The following MCF2 variants were observed in gnomAD, a reference collection of about 807,000 sequenced individuals.
The protein encoded by MCF2 is proto-oncogene DBL.
A neutral mutation model predicts 82.5 loss-of-function variants in MCF2; 44 were observed. The ratio of observed to expected loss-of-function variants is 0.53; its 90% CI spans 0.42 to 0.69. The LOEUF (loss-of-function observed/expected upper bound fraction) is 0.69. MCF2 is among the 30% of genes least tolerant of loss of function. MCF2 has a pLI of 0.00. For synonymous variants in MCF2, 217 were observed against 224.9 expected, an observed-to-expected ratio of 0.96 and a Z score of 0.32; for missense variants, 623 against 663.1, an observed-to-expected ratio of 0.94 and a Z score of 0.66.
At chrX:139,689,908 T>A (rs750356975) in intron 1 of MCF2, among the ~76,000 whole-genome samples, 1 of 111,962 alleles carries the variant, frequency 8.9e-6, no homozygotes, top group South Asian at 3.7e-4. Flanking sequence ...AATCCACAAA[T>A]GGTCATTTTT....
intron 3 of MCF2, among the ~76,000 whole-genome samples, chrX:139,630,297 A>G (rs1187204441): frequency 8.9e-6 from 1 of 111,828 alleles, no homozygotes; most frequent in African/African-American, 3.2e-5. Context: ...AAGCATTAGC[A>G]TTCCAAACAA....
upstream of MCF2, chrX:139,646,766 A>G: frequency 2.2e-6 from 2 of 901,086 alleles, no homozygotes; most frequent in East Asian, 3.3e-5. Flanking sequence ...GCGAATTGAA[A>G]AAAATGTAAT....
At chrX:139,661,269 G>C (rs950003506) in intron 1 of MCF2, among the ~76,000 whole-genome samples, 1 of 111,706 alleles carries the variant, frequency 9.0e-6, no homozygotes, top group African/African-American at 3.3e-5. Context: ...GTTAAAGCTA[G>C]AAAGCAAGAC....
intron 10 of MCF2, among the ~76,000 whole-genome samples, chrX:139,611,734 T>C (rs1931510066): frequency 9.0e-6 from 1 of 111,437 alleles, no homozygotes; most frequent in Admixed American, 9.6e-5. Flanking sequence ...ACAATTCTAC[T>C]AAAGCCAAGA....
At position 139,591,884 on chromosome X, in the gene MCF2, C is replaced by A. The variant is rs140111640; in HGVS notation, c.2278-1957G>T. Among the ~76,000 whole-genome samples, 193 of 108,711 alleles carry A rather than the reference C, an allele frequency of 1.8e-3. 2 individuals carry two copies. Among genetic ancestry groups the A allele is most frequent in the African/African-American group, 6.3e-3 (186 of 29,508 alleles). 94.4% of individuals were successfully genotyped at this position (108,711 alleles called of 115,157 possible). ...AAACCTGCAGATGTACCCCCTGAAT[C>A]TAAAATAAAAGTTAAAAAAAAAAGT... On this transcript the variant is annotated intron_variant, in intron 19 of 24. Coordinates refer to ENST00000370576, the Ensembl canonical transcript of MCF2.
At chrX:139,668,709 G>T (rs1401758086) in intron 1 of MCF2, among the ~76,000 whole-genome samples, 1 of 111,435 alleles carries the variant, frequency 9.0e-6, no homozygotes, top group Non-Finnish European at 1.9e-5. Context: ...CGCTATTTTG[G>T]TTTTTCTAAG....
intron 10 of MCF2, 152 bp downstream of exon 13, chrX:139,614,729 G>T: frequency 1.9e-6 from 1 of 514,893 alleles, no homozygotes; most frequent in South Asian, 3.4e-5. Context: ...ACCTCAATCT[G>T]ACTCTTGCCT....
At chrX:139,696,952 T>C (rs1393295035) in intron 1 of MCF2, among the ~76,000 whole-genome samples, 1 of 112,160 alleles carries the variant, frequency 8.9e-6, no homozygotes, top group Non-Finnish European at 1.9e-5. Flanking sequence ...TTTCAAACAT[T>C]AGGTTCTTTG....
intron 1 of MCF2, among the ~76,000 whole-genome samples, chrX:139,702,775 G>A (rs773489925): frequency 2.7e-5 from 3 of 112,463 alleles, no homozygotes; most frequent in South Asian, 3.7e-4. Context: ...TAGCTGGTTC[G>A]AGCCAATATC....
chrX:139,642,430 G>C, intron 1 of MCF2: 1 of 1,210,554 alleles, frequency 8.3e-7, no homozygotes, highest in Non-Finnish European at 1.1e-6. Context: ...ACTTGAACTT[G>C]GGAACAGGCT....
chrX:139,618,313 T>C (rs1227716471), intron 7 of MCF2, among the ~76,000 whole-genome samples: 1 of 110,769 alleles, frequency 9.0e-6, no homozygotes, highest in East Asian at 2.8e-4. Context: ...GACTGGCCTC[T>C]CTATCTAGTG....
At chrX:139,598,664 C>T (rs1930291063) in intron 16 of MCF2, among the ~76,000 whole-genome samples, 166 bp from the exon 21 acceptor site, 1 of 111,651 alleles carries the variant, frequency 9.0e-6, no homozygotes, top group African/African-American at 3.2e-5. Flanking sequence ...CACAATATAT[C>T]TGAAAAACTA....
chrX:139,600,188 A>G (rs1366633801), intron 16 of MCF2, among the ~76,000 whole-genome samples: 2 of 111,283 alleles, frequency 1.8e-5, no homozygotes, highest in Non-Finnish European at 3.8e-5. Flanking sequence ...AGGGAGGGTA[A>G]GACTGGTTTC....
intron 15 of MCF2, 84 bp downstream of exon 19, chrX:139,604,597 T>C: frequency 3.4e-6 from 2 of 586,339 alleles, no homozygotes; most frequent in Non-Finnish European, 5.2e-6. Flanking sequence ...AAAGTACCTA[T>C]CTTGTCTCCA....
At chrX:139,582,634 A>C in intron 24 of MCF2, 131 bp from the exon 29 acceptor site, 4 of 428,795 alleles carry the variant, frequency 9.3e-6, no homozygotes, top group Non-Finnish European at 1.6e-5. Flanking sequence ...TTGCTCTTTT[A>C]TATGTTTTCC....
chrX:139,626,528 G>A (rs979268236), intron 5 of MCF2, 95 bp downstream of exon 8: 1 of 867,708 alleles, frequency 1.2e-6, no homozygotes, highest in Non-Finnish European at 1.6e-6. Flanking sequence ...AGAGGTCCAG[G>A]AATACTTTAA....
At chrX:139,652,270 C>G (rs780078434) in intron 1 of MCF2, among the ~76,000 whole-genome samples, 1 of 111,398 alleles carries the variant, frequency 9.0e-6, no homozygotes, top group Non-Finnish European at 1.9e-5. Flanking sequence ...AGTGGTTAAC[C>G]ATATAGGCTT....
At chrX:139,683,573 T>C (rs181077549) in intron 1 of MCF2, among the ~76,000 whole-genome samples, 1 of 112,660 alleles carries the variant, frequency 8.9e-6, no homozygotes, top group East Asian at 2.8e-4. Flanking sequence ...TTATATTTTC[T>C]GATTTCAAAA....
upstream of MCF2, chrX:139,646,755 A>T: frequency 1.3e-6 from 1 of 764,923 alleles, no homozygotes; most frequent in Non-Finnish European, 1.9e-6. Context: ...TCTGATATAA[A>T]GCGAATTGAA....
Sources: gnomAD v4.1 joint callset for allele counts (sites outside exome capture counted in the v4.1 genomes callset) on GRCh38, gnomAD v4.1.1 for gene constraint, MANE v1.5 for transcripts, NCBI Gene and HGNC (gene_info 2026-07-23, HGNC 2026-07-21) for gene names.